RBMS3: variants seen among roughly 807,000 people sequenced by gnomAD.
The protein encoded by RBMS3 is RNA binding motif single stranded interacting protein 3.
RBMS3 carries 27 observed loss-of-function variants against 66.8 expected under a neutral mutation model. The observed-to-expected ratio is 0.40, with a 90% CI of 0.30 to 0.56. RBMS3 has a LOEUF of 0.56. Ranked by LOEUF, RBMS3 falls within the 20% of genes least tolerant of loss-of-function variation. RBMS3 has a pLI of 0.40. For synonymous variants in RBMS3, 188 were observed against 183.0 expected (o/e 1.03, Z -0.22); for missense variants, 513 against 549.5 (o/e 0.93, Z 0.66).
intron 6 of RBMS3, among the ~76,000 whole-genome samples, chr3:29,837,835 A>G (rs1172906734): frequency 6.6e-6 from 1 of 150,892 alleles, no homozygotes; most frequent in Non-Finnish European, 1.5e-5. Context: ...GCATTCCTTC[A>G]TACTTCCAGA....
intron 6 of RBMS3, among the ~76,000 whole-genome samples, chr3:29,868,066 T>G (rs2059402210): frequency 6.6e-6 from 1 of 151,522 alleles, no homozygotes; most frequent in African/African-American, 2.4e-5. Context: ...AGAACATCAG[T>G]TCTCAAAGAA....
At chr3:29,576,507 C>A (rs766315545) in intron 3 of RBMS3, among the ~76,000 whole-genome samples, 83 of 152,134 alleles carry the variant, frequency 5.5e-4, no homozygotes, top group Middle Eastern at 3.2e-3. Context: ...TTACAAAAAA[C>A]CCTTGGCCTC....
At chr3:29,576,649 T>G (rs1051916933) in intron 3 of RBMS3, among the ~76,000 whole-genome samples, 3 of 152,164 alleles carry the variant, frequency 2.0e-5, no homozygotes, top group Non-Finnish European at 4.4e-5. Context: ...CTTAAAAATT[T>G]GACTGATGCT....
intron 2 of RBMS3, among the ~76,000 whole-genome samples, chr3:29,485,169 T>C (rs1189395856): frequency 6.6e-6 from 1 of 152,132 alleles, no homozygotes; most frequent in Non-Finnish European, 1.5e-5. Flanking sequence ...TATCAACAAA[T>C]ATAGTTTGAC....
At chr3:29,441,412 C>A (rs1161686080) in intron 2 of RBMS3, among the ~76,000 whole-genome samples, 1 of 152,032 alleles carries the variant, frequency 6.6e-6, no homozygotes, top group Non-Finnish European at 1.5e-5. Flanking sequence ...ATATTACATG[C>A]CTCATACTCT....
chr3:29,744,070 A>G (rs1030598029), intron 5 of RBMS3, among the ~76,000 whole-genome samples: 20 of 151,266 alleles, frequency 1.3e-4, no homozygotes, highest in African/African-American at 4.4e-4. Flanking sequence ...TGATATGGGA[A>G]CCACCCTTTG....
At chr3:29,833,397 A>G (rs556088808) in intron 6 of RBMS3, among the ~76,000 whole-genome samples, 3 of 152,300 alleles carry the variant, frequency 2.0e-5, no homozygotes, top group African/African-American at 7.2e-5. Context: ...CATTAAGTGA[A>G]TTGAATGTGC....
chr3:29,582,994 C>G (rs1199392668), intron 3 of RBMS3, among the ~76,000 whole-genome samples: 1 of 152,008 alleles, frequency 6.6e-6, no homozygotes, highest in Non-Finnish European at 1.5e-5. Context: ...GGTAGCTTAT[C>G]CCCTATTTTT....
chr3:29,983,996 G>A (rs1698191515), intron 12 of RBMS3, among the ~76,000 whole-genome samples: 1 of 152,120 alleles, frequency 6.6e-6, no homozygotes, highest in Non-Finnish European at 1.5e-5. Flanking sequence ...ATAATATCCT[G>A]AAGAGCGTTT....
intron 4 of RBMS3, among the ~76,000 whole-genome samples, chr3:29,641,895 T>C (rs1382920279): frequency 6.6e-6 from 1 of 152,018 alleles, no homozygotes; most frequent in Non-Finnish European, 1.5e-5. Flanking sequence ...TGGAGATGCA[T>C]ATTAAACATC....
intron 2 of RBMS3, among the ~76,000 whole-genome samples, chr3:29,487,864 G>A (rs2148912382): frequency 6.6e-6 from 1 of 152,084 alleles, no homozygotes; most frequent in Non-Finnish European, 1.5e-5. Context: ...ATATACCCAG[G>A]CTAAATTAGG....
At chr3:29,463,171 C>T (rs929391762) in intron 2 of RBMS3, among the ~76,000 whole-genome samples, 1 of 152,162 alleles carries the variant, frequency 6.6e-6, no homozygotes, top group Admixed American at 6.5e-5. Context: ...AGCTTCTATT[C>T]AGCACAATCA....
chr3:29,757,463 G>A (rs995208540), intron 5 of RBMS3, among the ~76,000 whole-genome samples: 2 of 152,018 alleles, frequency 1.3e-5, no homozygotes, highest in South Asian at 2.1e-4. Context: ...ACTGGGTTTG[G>A]CCCATGGTTT....
chr3:29,927,800 C>T (rs978668942), intron 10 of RBMS3, among the ~76,000 whole-genome samples: 69 of 152,120 alleles, frequency 4.5e-4, no homozygotes, highest in African/African-American at 1.5e-3. Flanking sequence ...GTGTGCTATG[C>T]TAACAAGGCC....
chr3:29,386,902 A>G (rs1052879701), intron 1 of RBMS3, among the ~76,000 whole-genome samples: 2 of 152,184 alleles, frequency 1.3e-5, no homozygotes, highest in African/African-American at 2.4e-5. Flanking sequence ...CCAATGGACC[A>G]TTCCCATTTT....
At chr3:29,325,260 T>A (rs887540353) in intron 1 of RBMS3, among the ~76,000 whole-genome samples, 9 of 152,238 alleles carry the variant, frequency 5.9e-5, no homozygotes, top group African/African-American at 2.2e-4. Context: ...AATAAGATTA[T>A]ATTTTACATT....
intron 4 of RBMS3, among the ~76,000 whole-genome samples, chr3:29,605,239 T>C (rs2048284026): frequency 6.6e-6 from 1 of 151,738 alleles, no homozygotes; most frequent in African/African-American, 2.4e-5. Flanking sequence ...GAAGAAAAAA[T>C]GAAACATTTT....
Position 29,836,514 on chromosome 3 carries a change from A to G in RBMS3, c.638-32344A>G, listed in dbSNP as rs564760001. On this transcript the variant is annotated intron_variant, in intron 6 of 14. Transcript: ENST00000383767. Reference sequence around the variant, plus strand: ...TGGAATCTAGAAAAGTTGAACTCATAGAAACAGAGCACAGAAGGATCGTTA... The same window carrying G: ...TGGAATCTAGAAAAGTTGAACTCATGGAAACAGAGCACAGAAGGATCGTTA... 1.6e-3 allele frequency among the ~76,000 whole-genome samples: 250 copies of G among 151,998 alleles called. 7 individuals carry two copies. The highest frequency in any genetic ancestry group is 1.8e-3 in the Non-Finnish European group (123 of 67,942).
chr3:29,888,963 C>T (rs928089819), intron 8 of RBMS3, among the ~76,000 whole-genome samples: 5 of 151,654 alleles, frequency 3.3e-5, no homozygotes, highest in African/African-American at 1.2e-4. Flanking sequence ...CCTCCCCCCA[C>T]GAACAATTTT....
Sources: allele counts gnomAD v4.1 joint callset (sites outside exome capture counted in the v4.1 genomes callset), GRCh38; gene constraint gnomAD v4.1.1; transcripts MANE v1.5; gene names NCBI Gene and HGNC (gene_info 2026-07-23, HGNC 2026-07-21).